The following IRF5 variants were observed in gnomAD, a reference collection of about 807,000 sequenced individuals.
IRF5 encodes interferon regulatory factor 5.
In IRF5, 24 loss-of-function variants were observed where a neutral mutation model predicts 55.1. That is an observed-to-expected ratio of 0.44 (90% confidence interval 0.32 to 0.61). The LOEUF (loss-of-function observed/expected upper bound fraction) is 0.61. Ranked by LOEUF, IRF5 falls within the 20% of genes least tolerant of loss-of-function variation. IRF5 has a pLI of 0.07. For missense variants in IRF5, 499 were observed against 658.5 expected, an observed-to-expected ratio of 0.76 and a Z score of 2.65; for synonymous variants, 258 against 260.2, an observed-to-expected ratio of 0.99 and a Z score of 0.08.
At chr7:128,938,081 C>A (rs144980742) in intron 1 of IRF5, 32 bp downstream of exon 1, 6,871 of 152,254 alleles carry the variant, frequency 0.045, 220 homozygotes, top group Middle Eastern at 0.1. Context: ...CTCCTCTCTG[C>A]GTCCGCGCCC....
Position 128,946,162 on chromosome 7 carries a change from G to A in IRF5, c.385+128G>A. The A allele has an allele frequency of 1.1e-6, 1 of 902,858 alleles. No homozygotes were observed. Among genetic ancestry groups the A allele is most frequent in the Non-Finnish European group, 1.6e-6 (1 of 616,152 alleles). The allele number at this position is 902,858 out of a possible 1,614,324, so 55.9% of individuals were successfully genotyped here. On this transcript the variant is annotated intron_variant, in intron 3 of 8. Transcript: ENST00000357234. The surrounding 1 kb of genome is among the most constrained non-coding windows in gnomAD (Gnocchi z 4.2). ...GGCAGTGGTCCAGGAAACGATGCGG[G>A]GGCTCCCGCTAGGTCATGACACCCA...
Position 128,946,491 on chromosome 7 carries a change from T to C in IRF5, c.386-10T>C. The C allele has an allele frequency of 6.2e-7, 1 of 1,602,506 alleles. No individual in the cohort carries two copies. The highest frequency in any genetic ancestry group is 1.1e-5 in the South Asian group (1 of 88,502). On this transcript the variant is annotated splice_polypyrimidine_tract_variant and intron_variant, in intron 3 of 8. Transcript: ENST00000357234. This position sits in a 1 kb window ranked among gnomAD's most constrained non-coding sequence, Gnocchi z 4.2. ...CTTTACTGCCCTGCTTTTCTCTCCC[T>C]GCTGTGCAGACTCCCAGCCCCCTGA...
chr7:128,949,151 A>G lies in IRF5; in HGVS notation c.*333A>G. 1 of 278,622 alleles carries G rather than the reference A, an allele frequency of 3.6e-6. No homozygotes were observed. The highest frequency in any genetic ancestry group is 6.8e-6 in the Non-Finnish European group (1 of 146,148). The allele number at this position is 278,622 out of a possible 1,614,324, so 17.3% of individuals were successfully genotyped here. A position where few individuals can be genotyped will look rare whatever the true frequency, so the allele number is the denominator to read the frequency against. On this transcript the variant is annotated 3_prime_UTR_variant, in exon 9 of 9. Transcript: ENST00000357234. Reference sequence around the variant, plus strand: ...TGTGATTGCCCCATTTCCTCTGGCAACAAAAGCCAGAGTGTTGTGGGCCAA... The same window carrying G: ...TGTGATTGCCCCATTTCCTCTGGCAGCAAAAGCCAGAGTGTTGTGGGCCAA...
At position 128,947,856 on chromosome 7, in the gene IRF5, C is replaced by T. The variant is rs990675334; in HGVS notation, c.915C>T (p.Phe305=). The change falls in exon 7 of 9, where the codon TTC becomes TTT. Residue 305 remains phenylalanine, a synonymous_variant. Coordinates refer to ENST00000357234, the MANE Select transcript of IRF5 (RefSeq NM_001098629.3). This position sits in a 1 kb window ranked among gnomAD's most constrained non-coding sequence, Gnocchi z 6.5. ...LEATQEQVEL[F]GPISLEQVRF... is the part of the protein sequence containing the mutation. ...CCACCCAGGAGCAGGTGGAACTCTT[C>T]GGCCCCATAAGCCTGGAGCAAGTGC... 17 of 1,614,048 alleles carry T rather than the reference C, an allele frequency of 1.1e-5. No homozygotes were observed. The highest frequency in any genetic ancestry group is 2.2e-5 in the East Asian group (1 of 44,880).
Position 128,946,996 on chromosome 7 carries a change from C to T in IRF5, c.448-27C>T. 3 of 1,613,896 alleles carry T rather than the reference C, an allele frequency of 1.9e-6. No individual in the cohort carries two copies. Among genetic ancestry groups the T allele is most frequent in the South Asian group, 1.1e-5 (1 of 91,060 alleles). On this transcript the variant is annotated intron_variant, in intron 4 of 8. Transcript: ENST00000357234. This position sits in a 1 kb window ranked among gnomAD's most constrained non-coding sequence, Gnocchi z 4.2. ...GTCCTCCTTTCTCTCCCATCTCTTCCCTCCCTTGCTGGTGGTGTCCCTTCA... is the reference window on the plus strand; with the variant it reads ...GTCCTCCTTTCTCTCCCATCTCTTCTCTCCCTTGCTGGTGGTGTCCCTTCA...
rs781768972 is a variant in IRF5, at chr7:128,948,711, A to G, written c.1438A>G (p.Ile480Val). 16 of 1,613,952 alleles carry G rather than the reference A, an allele frequency of 9.9e-6. No homozygotes were observed. The highest frequency in any genetic ancestry group is 1.7e-5 in the Admixed American group (1 of 60,010). ...MVEQFKELHH[I>V]WQSQQRLQPV... ...GGAGCAATTCAAGGAGCTCCATCACATCTGGCAGTCCCAGCAGCGGTTGCA... is the reference window on the plus strand; with the variant it reads ...GGAGCAATTCAAGGAGCTCCATCACGTCTGGCAGTCCCAGCAGCGGTTGCA... Residue 480 changes from isoleucine to valine, a missense_variant, in exon 9 of 9, where the codon ATC becomes GTC. Ile to Val is a conservative substitution (Grantham distance 29). Transcript: ENST00000357234. The surrounding 1 kb of genome is among the most constrained non-coding windows in gnomAD (Gnocchi z 4.6).
rs1030258803 is a variant in IRF5, at chr7:128,948,998, T to C, written c.*180T>C. On this transcript the variant is annotated 3_prime_UTR_variant, in exon 9 of 9. Transcript: ENST00000357234. The surrounding 1 kb of genome is among the most constrained non-coding windows in gnomAD (Gnocchi z 4.6). ...CCCGAGCCCCTGCCTTCCCGGGCCT[T>C]TCTCTCCTGGGCTGTCTCTGGTCTG... 4.3e-6 allele frequency: 3 copies of C among 699,544 alleles called. No homozygotes were observed. The highest frequency in any genetic ancestry group is 2.7e-5 in the East Asian group (1 of 36,446). The allele number at this position is 699,544 out of a possible 1,614,324, so 43.3% of individuals were successfully genotyped here.
At chr7:128,938,613 G>A (rs912998441) in intron 1 of IRF5, among the ~76,000 whole-genome samples, 1 of 152,220 alleles carries the variant, frequency 6.6e-6, no homozygotes, top group African/African-American at 2.4e-5. Context: ...GAGTTTGGGG[G>A]AAGATGGTGT....
chr7:128,941,792 G>A (rs1796035772), intron 1 of IRF5, among the ~76,000 whole-genome samples: 1 of 152,170 alleles, frequency 6.6e-6, no homozygotes, highest in Admixed American at 6.5e-5. Context: ...CGGGCTGCTT[G>A]CTGCTGTTAG....
chr7:128,948,623 A>G lies in IRF5; in HGVS notation c.1350A>G (p.Leu450=), dbSNP rs778474836. Residue 450 remains leucine, a synonymous_variant, in exon 9 of 9, where the codon CTA becomes CTG. Transcript: ENST00000357234. The surrounding 1 kb of genome is among the most constrained non-coding windows in gnomAD (Gnocchi z 4.6). ...RLLLEMFSGE[L]SWSADSIRLQ... ...TGCTGGAGATGTTCTCAGGGGAGCT[A>G]TCTTGGTCAGCTGATAGTATCCGGC... The G allele has an allele frequency of 1.1e-5, 18 of 1,614,124 alleles. No individual in the cohort carries two copies. Among genetic ancestry groups the G allele is most frequent in the Non-Finnish European group, 1.4e-5 (17 of 1,180,014 alleles).
At chr7:128,942,456 T>C (rs1796080736) in intron 2 of IRF5, among the ~76,000 whole-genome samples, 180 bp downstream of exon 2, 1 of 100,300 alleles carries the variant, frequency 1.0e-5, no homozygotes, top group Non-Finnish European at 2.0e-5. Flanking sequence ...ACCTTTTTCC[T>C]TTTTTTTTTT....
At position 128,946,050 on chromosome 7, in the gene IRF5, C is replaced by G. The variant is rs777104512; in HGVS notation, c.385+16C>G. 1 of 1,565,324 alleles carries G rather than the reference C, an allele frequency of 6.4e-7. No individual in the cohort carries two copies. Among genetic ancestry groups the G allele is most frequent in the Non-Finnish European group, 8.6e-7 (1 of 1,158,598 alleles). On this transcript the variant is annotated intron_variant, in intron 3 of 8. Transcript: ENST00000357234. The surrounding 1 kb of genome is among the most constrained non-coding windows in gnomAD (Gnocchi z 4.2). Reference sequence around the variant, plus strand: ...GCTCCCACAGGTATCAGGCCTAGCCCTCTGTGGGCCACCTGGGAGGCTGTG... The same window carrying G: ...GCTCCCACAGGTATCAGGCCTAGCCGTCTGTGGGCCACCTGGGAGGCTGTG...
chr7:128,948,553 A>G lies in IRF5; in HGVS notation c.1300-20A>G. Reference sequence around the variant, plus strand: ...GCCCTGCCACAGGTCTCCCTGTCTCATCTCCTCTTTGCCTCCCAGGTGGTG... The same window carrying G: ...GCCCTGCCACAGGTCTCCCTGTCTCGTCTCCTCTTTGCCTCCCAGGTGGTG... On this transcript the variant is annotated intron_variant, in intron 8 of 8. Transcript: ENST00000357234. The surrounding 1 kb of genome is among the most constrained non-coding windows in gnomAD (Gnocchi z 4.6). 1.2e-6 allele frequency: 2 copies of G among 1,612,498 alleles called. No individual in the cohort carries two copies. The highest frequency in any genetic ancestry group is 2.2e-5 in the East Asian group (1 of 44,876).
At position 128,947,366 on chromosome 7, in the gene IRF5, G is replaced by A; in HGVS notation, c.618G>A (p.Leu206=). ...CCACTCTGCAGCCGCCCGTGGTGCT[G>A]GGTCCCCCTGCTCCAGACCCCAGCC... ...QPPTLQPPVV[L]GPPAPDPSPL... is the part of the protein sequence containing the mutation. Residue 206 remains leucine, a synonymous_variant, in exon 6 of 9, where the codon CTG becomes CTA. Transcript: ENST00000357234. This position sits in a 1 kb window ranked among gnomAD's most constrained non-coding sequence, Gnocchi z 6.5. 6.2e-7 allele frequency: 1 copy of A among 1,610,024 alleles called. No homozygotes were observed. The highest frequency in any genetic ancestry group is 8.5e-7 in the Non-Finnish European group (1 of 1,178,682).
upstream of IRF5, among the ~76,000 whole-genome samples, chr7:128,937,405 G>A (rs1795810550): frequency 6.6e-6 from 1 of 152,346 alleles, no homozygotes; most frequent in East Asian, 1.9e-4. Flanking sequence ...ACTGGAAGGC[G>A]ACTTAGGGGA....
At chr7:128,945,513 C>G (rs955266740) in intron 2 of IRF5, among the ~76,000 whole-genome samples, 2 of 152,222 alleles carry the variant, frequency 1.3e-5, no homozygotes, top group African/African-American at 4.8e-5. Context: ...TGGCGGGGGG[C>G]ACTTCCAGAT....
chr7:128,938,992 T>C (rs1327296037), intron 1 of IRF5, among the ~76,000 whole-genome samples: 1 of 130,848 alleles, frequency 7.6e-6, no homozygotes, highest in African/African-American at 2.9e-5. Flanking sequence ...TGGGGGTGGC[T>C]CCGCGGGCTG....
In IRF5 at chr7:128,950,004, CTG is replaced by C; in HGVS notation, c.*1189_*1190del. ...CAATCTTGATGCCCAGCCATCAGAA[CTG>C]TGAGCCAAATAAACCTTTTTCTGTA... On this transcript the variant is annotated 3_prime_UTR_variant, in exon 9 of 9. Transcript: ENST00000357234. The C allele has an allele frequency of 6.6e-6, 1 of 152,370 alleles. No individual in the cohort carries two copies. Among genetic ancestry groups the C allele is most frequent in the Admixed American group, 6.5e-5 (1 of 15,310 alleles). The allele number at this position is 152,370 out of a possible 1,614,324, so 9.4% of individuals were successfully genotyped here.
In IRF5 at chr7:128,948,541, T is replaced by C; in HGVS notation, c.1300-32T>C. On this transcript the variant is annotated intron_variant, in intron 8 of 8. Coordinates refer to ENST00000357234, the MANE Select transcript of IRF5 (RefSeq NM_001098629.3). This position sits in a 1 kb window ranked among gnomAD's most constrained non-coding sequence, Gnocchi z 4.6. ...CTGGATCTGGCAGCCCTGCCACAGG[T>C]CTCCCTGTCTCATCTCCTCTTTGCC... The C allele has an allele frequency of 6.2e-7, 1 of 1,610,718 alleles. No homozygotes were observed. The highest frequency in any genetic ancestry group is 8.5e-7 in the Non-Finnish European group (1 of 1,179,280).
Sources: allele counts gnomAD v4.1 joint callset (sites outside exome capture counted in the v4.1 genomes callset), GRCh38; gene constraint gnomAD v4.1.1; non-coding constraint Gnocchi (gnomAD v3.1); transcripts MANE v1.5; gene names NCBI Gene and HGNC (gene_info 2026-07-23, HGNC 2026-07-21).